The following CEP72 variants were observed in gnomAD, a reference collection of about 807,000 sequenced individuals.
CEP72 encodes centrosomal protein 72.
Under a neutral mutation model 65.7 loss-of-function variants are expected in CEP72, and 78 were observed. That is an observed-to-expected ratio of 1.19 (90% CI 0.99 to 1.43). CEP72 has a LOEUF of 1.43. CEP72 is among the 40% of genes most tolerant of loss of function. The pLI is 0.00. For missense variants in CEP72, 914 were observed against 832.9 expected (o/e 1.10, Z -1.20); for synonymous variants, 358 against 351.7 (o/e 1.02, Z -0.20).
At position 624,156 on chromosome 5, in the gene CEP72, G is replaced by A. The variant is rs1736580896; in HGVS notation, c.404-315G>A. On this transcript the variant is annotated intron_variant, in intron 3 of 11. Transcript: ENST00000264935. This position sits in a 1 kb window ranked among gnomAD's most constrained non-coding sequence, Gnocchi z 4.7. ...GTGGAGGCTTCTCTGGGTTACCTGA[G>A]TGTGACTTGAGAATCCCACCCCGCA... Among the ~76,000 whole-genome samples, 1 of 152,226 alleles carries A rather than the reference G, an allele frequency of 6.6e-6. No individual in the cohort carries two copies. The highest frequency in any genetic ancestry group is 1.5e-5 in the Non-Finnish European group (1 of 68,050).
At chr5:648,173 C>G (rs1420528926) in intron 11 of CEP72, among the ~76,000 whole-genome samples, 2 of 151,974 alleles carry the variant, frequency 1.3e-5, no homozygotes, top group Non-Finnish European at 2.9e-5. Context: ...GATGTGAGGT[C>G]TGACCATGAG....
At chr5:636,906 A>C (rs955712523) in intron 6 of CEP72, among the ~76,000 whole-genome samples, 1 of 151,452 alleles carries the variant, frequency 6.6e-6, no homozygotes, top group African/African-American at 2.4e-5. Context: ...GAGGCAGGGG[A>C]CCTAGCCAGG....
At chr5:675,529 G>GA in the CEP72 span, among the ~76,000 whole-genome samples, 600 of 123,866 alleles carry the variant, frequency 4.8e-3, 17 homozygotes, top group African/African-American at 0.016. Context: ...GGTGCAGTGT[G>GA]GCCGGGGATG....
Position 633,861 on chromosome 5 carries a change from C to A in CEP72, c.605C>A (p.Ala202Glu), listed in dbSNP as rs767319750. The change falls in exon 5 of 12, where the codon GCA (alanine) becomes GAA (glutamate). Residue 202 changes from alanine to glutamate, a missense_variant. Physicochemically the swap from Ala to Glu is moderately radical, Grantham distance 107. Transcript: ENST00000264935. ...ADDEAVLNLI[A>E]ECEWDLGRPP... ...GACGAGGCAGTCCTGAACCTCATTG[C>A]AGAGTGCGAGTGGGACCTCGGCAGG... is the stretch of plus-strand genomic sequence containing the variant. 1.2e-6 allele frequency: 2 copies of A among 1,613,908 alleles called. No homozygotes were observed. Among genetic ancestry groups the A allele is most frequent in the Non-Finnish European group, 1.7e-6 (2 of 1,180,044 alleles).
intron 4 of CEP72, among the ~76,000 whole-genome samples, chr5:626,378 T>C (rs1736759955): frequency 6.6e-6 from 1 of 152,252 alleles, no homozygotes; most frequent in African/African-American, 2.4e-5. Context: ...ATAGGTGTTG[T>C]CTTCATGCGG....
intron 9 of CEP72, chr5:643,581 C>T (rs1189096060): frequency 1.0e-6 from 1 of 985,428 alleles, no homozygotes. Flanking sequence ...GACTCAGGCG[C>T]TCCCTCCCCT....
intron 9 of CEP72, chr5:642,633 T>G (rs1738134568): frequency 1.0e-6 from 1 of 985,286 alleles, no homozygotes. Flanking sequence ...CCCTCTGCAG[T>G]TTGCCTAACC....
chr5:665,058 C>T lies in CEP72; in HGVS notation n.288-122C>T, dbSNP rs1268233718. 3.2e-6 allele frequency: 5 copies of T among 1,582,172 alleles called. No individual in the cohort carries two copies. The East Asian group carries it at 1.1e-4, about 35-fold the overall frequency. ...AATGAAGTGCGAGGTGACAGAGTCC[C>T]TGCTCTGGGGACACCGGCAGTGCCG... is the stretch of plus-strand genomic sequence containing the variant. On this transcript the variant is annotated intron_variant and non_coding_transcript_variant, in intron 2 of 4. Transcript: ENST00000514507.
At chr5:648,898 G>GGACTGTGAGGGGT (rs1375612069) in intron 11 of CEP72, among the ~76,000 whole-genome samples, 3 of 121,154 alleles carry the variant, frequency 2.5e-5, no homozygotes, top group African/African-American at 9.6e-5. Context: ...TGTGAGGCGT[G>GGACTGTGAGGGGT]GACTGTGAGG....
chr5:614,238 T>A (rs1735853102), intron 1 of CEP72, among the ~76,000 whole-genome samples: 1 of 152,154 alleles, frequency 6.6e-6, no homozygotes, highest in South Asian at 2.1e-4. Context: ...TGCTTTGCAT[T>A]TATTTTATAC....
chr5:647,871 A>G lies in CEP72; in HGVS notation c.1733A>G (p.Tyr578Cys), dbSNP rs1186050265. ...IVELKQHLEH[Y>C]DKIQELTQML... is the part of the protein sequence containing the mutation. ...GAACTGAAGCAGCACCTGGAGCACT[A>G]CGACAAGATCCAGGAGCTCACGCAG... The change falls in exon 11 of 12, where the codon TAC becomes TGC. Residue 578 changes from tyrosine (Y) to cysteine (C), a missense_variant. By Grantham distance (194) the Tyr-to-Cys change is radical. Coordinates refer to ENST00000264935, the MANE Select transcript of CEP72 (RefSeq NM_018140.4). The G allele has an allele frequency of 3.7e-6, 6 of 1,612,534 alleles. No homozygotes were observed. In the East Asian group the frequency reaches 8.9e-5, roughly 24 times the overall value.
In CEP72 at chr5:619,070, G is replaced by T. The variant is rs866119415; in HGVS notation, c.163G>T (p.Gly55Cys). The T allele has an allele frequency of 3.7e-6, 6 of 1,613,858 alleles. No homozygotes were observed. The African/African-American group carries it at 8.0e-5, about 22-fold the overall frequency. The change falls in exon 2 of 12, where the codon GGT becomes TGT. Residue 55 changes from glycine to cysteine, a missense_variant. Coordinates refer to ENST00000264935, the MANE Select transcript of CEP72 (RefSeq NM_018140.4). ...GGGACATTCTCTGATGAGTTTAACA[G>T]GTCTGAAATCTTTGGATCTCTCGCG... ...HLGHSLMSLT[G>C]LKSLDLSRNS...
chr5:625,515 G>A (rs569578799), intron 4 of CEP72, among the ~76,000 whole-genome samples: 8 of 152,302 alleles, frequency 5.3e-5, no homozygotes, highest in African/African-American at 9.6e-5. Context: ...TGGTGTGCCC[G>A]TAAGATGCCC....
At chr5:668,378 G>T (rs572033860), downstream of CEP72, among the ~76,000 whole-genome samples, 2 of 103,244 alleles carry the variant, frequency 1.9e-5, no homozygotes, top group South Asian at 5.7e-4. Context: ...AGGGGTCCGC[G>T]TGGGCCTCGT....
rs188896233 is a variant in CEP72, at chr5:638,024, G to A, written c.1206+206G>A. Reference sequence around the variant, plus strand: ...GGGCTGTTACGGCTTTGGCGGTGCCGTGATTACGCCTACGGCACTGACCGT... The same window carrying A: ...GGGCTGTTACGGCTTTGGCGGTGCCATGATTACGCCTACGGCACTGACCGT... On this transcript the variant is annotated intron_variant, in intron 7 of 11. Transcript: ENST00000264935. Among the ~76,000 whole-genome samples, 8 of 152,302 alleles carry A rather than the reference G, an allele frequency of 5.3e-5. No individual in the cohort carries two copies. In the East Asian group the frequency reaches 5.8e-4, roughly 11 times the overall value.
At chr5:668,527 T>A (rs963382207), downstream of CEP72, among the ~76,000 whole-genome samples, 1 of 150,558 alleles carries the variant, frequency 6.6e-6, no homozygotes. Flanking sequence ...CCCTGCACAC[T>A]CTCCAGGGGG....
At chr5:638,921 T>G (rs1737807831) in intron 7 of CEP72, among the ~76,000 whole-genome samples, 168 bp from the exon 8 acceptor site, 1 of 152,142 alleles carries the variant, frequency 6.6e-6, no homozygotes, top group African/African-American at 2.4e-5. Context: ...TAAGCCTCAC[T>G]GGGCAGGCAC....
chr5:673,489 C>CCACTAGAGG, the CEP72 span, among the ~76,000 whole-genome samples: 2 of 152,094 alleles, frequency 1.3e-5, no homozygotes, highest in Non-Finnish European at 2.9e-5. Flanking sequence ...AATCCCTTGG[C>CCACTAGAGG]CTCCCCTCAG....
In CEP72 at chr5:620,113, C is replaced by G; in HGVS notation, c.255C>G (p.Tyr85Ter). The change falls in exon 3 of 12, where the codon TAC becomes TAG. Residue 85 changes from tyrosine to a stop codon, truncating the protein, a stop_gained. Transcript: ENST00000264935. LOFTEE classifies it high-confidence loss of function. ...CATTGGAGAGTCTCAATCTCTACTACAACTGCATCTCCTCGTTGGCAGAAG... is the reference window on the plus strand; with the variant it reads ...CATTGGAGAGTCTCAATCTCTACTAGAACTGCATCTCCTCGTTGGCAGAAG... Reference protein sequence around the residue: ...LTALESLNLYYNCISSLAEVF... With the variant: ...LTALESLNLY 6.2e-7 allele frequency: 1 copy of G among 1,614,182 alleles called. No homozygotes were observed. Among genetic ancestry groups the G allele is most frequent in the Non-Finnish European group, 8.5e-7 (1 of 1,179,994 alleles).
Sources: gnomAD v4.1 joint callset for allele counts (sites outside exome capture counted in the v4.1 genomes callset) on GRCh38, gnomAD v4.1.1 for gene constraint, Gnocchi (gnomAD v3.1) non-coding constraint, MANE v1.5 for transcripts, NCBI Gene and HGNC (gene_info 2026-07-23, HGNC 2026-07-21) for gene names.